Variants in TRPM7 observed in about 807,000 individuals in gnomAD.
The protein encoded by TRPM7 is LTRPC ion channel family member 7.
Under a neutral mutation model 229.7 loss-of-function variants are expected in TRPM7, and 134 were observed. That is an observed-to-expected ratio of 0.58 (90% confidence interval 0.51 to 0.67). TRPM7 has a LOEUF of 0.67. Ranked by LOEUF, TRPM7 falls within the 30% of genes least tolerant of loss-of-function variation. The pLI is 0.00. For synonymous variants in TRPM7, 699 were observed against 715.2 expected (o/e 0.98, Z 0.36); for missense variants, 1,901 against 2,210.0 (o/e 0.86, Z 2.80).
At chr15:50,678,253 AAAAACAAAAAC>A (rs1567127446) in intron 1 of TRPM7, among the ~76,000 whole-genome samples, 5 of 126,992 alleles carry the variant, frequency 3.9e-5, no homozygotes, top group South Asian at 2.3e-4. Flanking sequence ...AAAAAAAAAC[AAAAACAAAAAC>A]AAAAACAAAA....
At chr15:50,638,081 C>T (rs1350177936) in intron 6 of TRPM7, among the ~76,000 whole-genome samples, 2 of 151,410 alleles carry the variant, frequency 1.3e-5, no homozygotes, top group Non-Finnish European at 2.9e-5. Flanking sequence ...GATGGGAGGC[C>T]GGGCGCGGTG....
chr15:50,655,314 TC>T (rs1252992851), intron 3 of TRPM7, among the ~76,000 whole-genome samples: 2 of 151,082 alleles, frequency 1.3e-5, no homozygotes, highest in Non-Finnish European at 2.9e-5. Flanking sequence ...GCGTCTGTAA[TC>T]CCAGCTACTC....
At chr15:50,562,659 C>T (rs1303309266) in intron 38 of TRPM7, among the ~76,000 whole-genome samples, 1 of 151,760 alleles carries the variant, frequency 6.6e-6, no homozygotes, top group East Asian at 1.9e-4. Context: ...GTAGTCCCAG[C>T]TACTCAGAAG....
At chr15:50,630,491 G>A (rs2060699387) in intron 10 of TRPM7, among the ~76,000 whole-genome samples, 1 of 151,738 alleles carries the variant, frequency 6.6e-6, no homozygotes, top group Non-Finnish European at 1.5e-5. Flanking sequence ...TCTGTTGGAT[G>A]TCTTTGGGGA....
chr15:50,672,682 G>A (rs1399028123), intron 1 of TRPM7, among the ~76,000 whole-genome samples: 2 of 151,946 alleles, frequency 1.3e-5, no homozygotes, highest in African/African-American at 4.8e-5. Flanking sequence ...GGCTGAGGCA[G>A]GCGGATCATC....
chr15:50,683,184 T>C (rs1450439633), intron 1 of TRPM7, among the ~76,000 whole-genome samples: 2 of 151,664 alleles, frequency 1.3e-5, no homozygotes, highest in Non-Finnish European at 2.9e-5. Context: ...CACTGCACCC[T>C]GACCCAGGTA....
intron 16 of TRPM7, among the ~76,000 whole-genome samples, chr15:50,611,756 G>C (rs2060068190): frequency 6.6e-6 from 1 of 152,156 alleles, no homozygotes; most frequent in African/African-American, 2.4e-5. Flanking sequence ...GTAACCATAG[G>C]ATCCCTGTTA....
rs1425729132 is a variant in TRPM7, at chr15:50,559,033, C to CAGGT, written c.*2641_*2644dup. On this transcript the variant is annotated 3_prime_UTR_variant, in exon 39 of 39. Transcript: ENST00000646667. ...TCAGTCTCCCAAGTAGCTGGAACTACAGGTGCACACCATCACATCCAGTTA... is the reference window on the plus strand; with the variant it reads ...TCAGTCTCCCAAGTAGCTGGAACTACAGGTAGGTGCACACCATCACATCCAGTTA... The CAGGT allele has an allele frequency of 6.7e-6, 1 of 149,002 alleles. No homozygotes were observed. Among genetic ancestry groups the CAGGT allele is most frequent in the Non-Finnish European group, 1.5e-5 (1 of 66,422 alleles). The allele number at this position is 149,002 out of a possible 1,614,324, so 9.2% of individuals were successfully genotyped here.
rs373978680 is a variant in TRPM7, at chr15:50,666,359, G to A, written c.4-3313C>T. Among the ~76,000 whole-genome samples, 25 of 152,114 alleles carry A rather than the reference G, an allele frequency of 1.6e-4. No homozygotes were observed. In the East Asian group the frequency reaches 4.5e-3, roughly 27 times the overall value. ...GGAGGCTGAAGCCAGAGGATCATCT[G>A]AACCCAGGGAGCTCGAGGCTGCAGC... On this transcript the variant is annotated intron_variant, in intron 1 of 38. Transcript: ENST00000646667.
At chr15:50,566,751 TAAAC>T (rs1210498348) in intron 38 of TRPM7, among the ~76,000 whole-genome samples, 10 of 151,842 alleles carry the variant, frequency 6.6e-5, no homozygotes, top group Non-Finnish European at 1.2e-4. Context: ...TCTACTTTAA[TAAAC>T]TAGAAAAAGA....
At chr15:50,603,312 TG>T (rs1274454458) in intron 21 of TRPM7, among the ~76,000 whole-genome samples, 5 of 135,408 alleles carry the variant, frequency 3.7e-5, no homozygotes, top group Non-Finnish European at 8.9e-5. Flanking sequence ...TTTAGAAGAC[TG>T]ATTTTTTTTT....
Position 50,662,990 on chromosome 15 carries a change from T to C in TRPM7, c.60A>G (p.Ile20Met), listed in dbSNP as rs573602355. Residue 20 changes from isoleucine to methionine, a missense_variant, in exon 2 of 39, where the codon ATA becomes ATG. Ile to Met is a conservative substitution (Grantham distance 10). Around this residue, in one of 8 missense-constraint regions of TRPM7, gnomAD observed 794 missense variants for 881.9 expected, o/e 0.90. Coordinates refer to ENST00000646667, the MANE Select transcript of TRPM7 (RefSeq NM_017672.6). ...TLTKRECVYI[I>M]PSSKDPHRCL... The stretch of plus-strand genomic sequence containing the variant: ...ACCTGTGAGGGTCCTTGGAACTTGG[T>C]ATAATATATACACATTCCCTCTTGG... 2 of 1,613,504 alleles carry C rather than the reference T, an allele frequency of 1.2e-6. No homozygotes were observed. The highest frequency in any genetic ancestry group is 2.7e-5 in the African/African-American group (2 of 75,020).
chr15:50,618,527 G>A (rs1361241868), intron 13 of TRPM7, among the ~76,000 whole-genome samples: 3 of 151,570 alleles, frequency 2.0e-5, no homozygotes, highest in Non-Finnish European at 4.4e-5. Context: ...CCAAGATCAC[G>A]CCACTGCACT....
At chr15:50,639,206 G>GT (rs1174139020) in intron 6 of TRPM7, among the ~76,000 whole-genome samples, 8 of 152,144 alleles carry the variant, frequency 5.3e-5, no homozygotes, top group Non-Finnish European at 1.2e-4. Flanking sequence ...TGCCAACACT[G>GT]TAACAGCATT....
At chr15:50,680,292 G>A (rs2062213226) in intron 1 of TRPM7, among the ~76,000 whole-genome samples, 1 of 152,024 alleles carries the variant, frequency 6.6e-6, no homozygotes. Flanking sequence ...TGTAATCCCA[G>A]TACTTTAGGA....
chr15:50,682,268 ACC>A (rs759954683), intron 1 of TRPM7, among the ~76,000 whole-genome samples: 8 of 151,102 alleles, frequency 5.3e-5, no homozygotes, highest in Non-Finnish European at 1.0e-4. Context: ...ACCTCCACAC[ACC>A]AAAATTCCTT....
At chr15:50,595,884 A>T (rs2059616819) in intron 23 of TRPM7, among the ~76,000 whole-genome samples, 1 of 152,074 alleles carries the variant, frequency 6.6e-6, no homozygotes, top group African/African-American at 2.4e-5. Context: ...AAATAAAAAT[A>T]CTATTTCTGA....
chr15:50,572,870 T>C (rs1215947857), intron 36 of TRPM7, among the ~76,000 whole-genome samples: 6 of 152,192 alleles, frequency 3.9e-5, no homozygotes, highest in African/African-American at 1.4e-4. Flanking sequence ...AAACAATTGT[T>C]CTCATGTGAT....
At chr15:50,673,069 T>A (rs1378955770) in intron 1 of TRPM7, among the ~76,000 whole-genome samples, 1 of 145,150 alleles carries the variant, frequency 6.9e-6, no homozygotes, top group Admixed American at 6.7e-5. Flanking sequence ...AGCGTTAATT[T>A]ATTATTGAAT....
Sources: gnomAD v4.1 joint callset for allele counts (sites outside exome capture counted in the v4.1 genomes callset) on GRCh38, gnomAD v4.1.1 for gene constraint, gnomAD v4.1.1 regional missense constraint, MANE v1.5 for transcripts, NCBI Gene and HGNC (gene_info 2026-07-23, HGNC 2026-07-21) for gene names.